PRR33: variants seen among roughly 807,000 people sequenced by gnomAD.
PRR33 encodes the protein proline rich 33.
Under a neutral mutation model 0.5 loss-of-function variants are expected in PRR33, and 1 was observed. That is an observed-to-expected ratio of 2.18 (90% CI 0.77 to 10.34). The LOEUF is 10.34. Among genes scored for constraint, PRR33 ranks in the 30% most tolerant of loss-of-function variants. The pLI, the probability that PRR33 is intolerant of heterozygous loss-of-function variation, is 0.13. For missense variants in PRR33, 552 were observed against 251.8 expected, an observed-to-expected ratio of 2.19 and a Z score of -8.07; for synonymous variants, 226 against 110.0, an observed-to-expected ratio of 2.06 and a Z score of -6.60.
At chr11:1,890,859 C>T in exon 1 of PRR33, 1 of 495,896 alleles carries the variant, frequency 2.0e-6, no homozygotes, top group African/African-American at 1.9e-5. Flanking sequence ...GCCTCCAGGG[C>T]TCTGTCCTCC....
the PRR33 span, among the ~76,000 whole-genome samples, chr11:1,917,477 C>T: frequency 7.2e-5 from 11 of 152,324 alleles, no homozygotes; most frequent in Admixed American, 4.6e-4. Flanking sequence ...CCCCGTGGTC[C>T]GTCCTCAGAC....
chr11:1,904,379 A>G, the PRR33 span, among the ~76,000 whole-genome samples: 2 of 152,036 alleles, frequency 1.3e-5, no homozygotes, highest in African/African-American at 4.8e-5. Context: ...AATACAAAAA[A>G]TTAGCCAGGC....
upstream of PRR33, among the ~76,000 whole-genome samples, chr11:1,895,528 G>A (rs572453044): frequency 3.3e-5 from 5 of 152,172 alleles, no homozygotes; most frequent in Non-Finnish European, 7.3e-5. Flanking sequence ...ACCATCTGAA[G>A]AGCAAATTTT....
chr11:1,905,979 C>A, the PRR33 span, among the ~76,000 whole-genome samples: 2 of 151,488 alleles, frequency 1.3e-5, no homozygotes, highest in Non-Finnish European at 2.9e-5. Flanking sequence ...CCACCACGCC[C>A]AGCTAAAGTA....
chr11:1,913,341 T>C, the PRR33 span, among the ~76,000 whole-genome samples: 1 of 151,318 alleles, frequency 6.6e-6, no homozygotes, highest in Admixed American at 6.6e-5. Flanking sequence ...AGACGGGGTT[T>C]CACCGTGTGT....
chr11:1,916,256 C>T, the PRR33 span, among the ~76,000 whole-genome samples: 188 of 152,232 alleles, frequency 1.2e-3, no homozygotes, highest in Non-Finnish European at 1.4e-3. Context: ...AGGAGCAGCA[C>T]CCCAGACTCT....
At chr11:1,893,796 G>C (rs1849084748), upstream of PRR33, among the ~76,000 whole-genome samples, 1 of 151,538 alleles carries the variant, frequency 6.6e-6, no homozygotes, top group African/African-American at 2.4e-5. Context: ...TGGATGGATA[G>C]GTGGATGGAT....
At chr11:1,914,556 G>T in the PRR33 span, among the ~76,000 whole-genome samples, 1 of 147,064 alleles carries the variant, frequency 6.8e-6, no homozygotes, top group African/African-American at 2.6e-5. Flanking sequence ...GTGTGTTGTA[G>T]GGTATATACA....
At chr11:1,904,885 TCTC>T in the PRR33 span, among the ~76,000 whole-genome samples, 1 of 151,682 alleles carries the variant, frequency 6.6e-6, no homozygotes, top group South Asian at 2.1e-4. Context: ...TTTCTATCCT[TCTC>T]CTCCTTTCCC....
the PRR33 span, among the ~76,000 whole-genome samples, chr11:1,900,749 T>G: frequency 6.6e-6 from 1 of 152,344 alleles, no homozygotes; most frequent in South Asian, 2.1e-4. Context: ...CCATACAATT[T>G]TGGAGCATAT....
the PRR33 span, among the ~76,000 whole-genome samples, chr11:1,906,353 G>A: frequency 6.6e-6 from 1 of 152,046 alleles, no homozygotes. Context: ...TATTTTAGGG[G>A]TTGACTTGGG....
chr11:1,898,274 G>A, the PRR33 span, among the ~76,000 whole-genome samples: 1 of 151,072 alleles, frequency 6.6e-6, no homozygotes, highest in African/African-American at 2.4e-5. Context: ...TCGCTCCGTC[G>A]GCTGGAGTGC....
the PRR33 span, among the ~76,000 whole-genome samples, chr11:1,899,865 GAA>G: frequency 6.6e-6 from 1 of 152,060 alleles, no homozygotes; most frequent in Non-Finnish European, 1.5e-5. Context: ...AACACGCATT[GAA>G]AATGACAATT....
At chr11:1,903,532 C>A in the PRR33 span, among the ~76,000 whole-genome samples, 31 of 152,290 alleles carry the variant, frequency 2.0e-4, 1 homozygote, top group South Asian at 5.4e-3. Flanking sequence ...AATTGGCATC[C>A]CTGATGAGGC....
rs112978842 is a variant in PRR33, at chr11:1,890,555, G to A, written c.30C>T (p.Pro10=). ...CCTGGAGGCTTGGGCCGCACACCTC[G>A]GGTGCCATCGACGCAGCCGATATGA... The change falls in exon 1 of 1, where the codon CCC becomes CCT. Residue 10 remains proline, a synonymous_variant. Coordinates refer to ENST00000640310, the Ensembl canonical transcript of PRR33. 2,414 of 712,370 alleles carry A rather than the reference G, an allele frequency of 3.4e-3. 32 individuals carry two copies. The highest frequency in any genetic ancestry group is 0.028 in the African/African-American group (1,606 of 57,322). 44.1% of individuals were successfully genotyped at this position (712,370 alleles called of 1,614,324 possible).
At chr11:1,894,260 C>T (rs1849100541), upstream of PRR33, among the ~76,000 whole-genome samples, 1 of 140,264 alleles carries the variant, frequency 7.1e-6, no homozygotes, top group South Asian at 2.2e-4. Flanking sequence ...TGTGTCAGAG[C>T]CTCACTCTGT....
At chr11:1,917,181 C>T in the PRR33 span, among the ~76,000 whole-genome samples, 4 of 152,208 alleles carry the variant, frequency 2.6e-5, no homozygotes, top group Non-Finnish European at 4.4e-5. Context: ...CTGGGCCGAG[C>T]GGCCTCAGGC....
chr11:1,901,701 A>G, the PRR33 span, among the ~76,000 whole-genome samples: 10 of 152,214 alleles, frequency 6.6e-5, no homozygotes, highest in Admixed American at 1.3e-4. Context: ...TACCATCATC[A>G]TTTGCTCAAC....
At chr11:1,915,313 A>G in the PRR33 span, among the ~76,000 whole-genome samples, 1 of 133,912 alleles carries the variant, frequency 7.5e-6, no homozygotes, top group South Asian at 2.5e-4. Context: ...GTGTTGTGGG[A>G]TAGGACATCT....
Sources: gnomAD v4.1 joint callset for allele counts (sites outside exome capture counted in the v4.1 genomes callset) on GRCh38, gnomAD v4.1.1 for gene constraint, MANE v1.5 for transcripts, NCBI Gene and HGNC (gene_info 2026-07-23, HGNC 2026-07-21) for gene names.